HHLA2: variants seen among roughly 807,000 people sequenced by gnomAD.
HHLA2 encodes the protein HERV-H LTR-associating protein 2.
HHLA2 carries 48 observed loss-of-function variants against 45.9 expected under a neutral mutation model. The ratio of observed to expected loss-of-function variants is 1.05; its 90% CI spans 0.83 to 1.33. The LOEUF is 1.33. Among genes scored for constraint, HHLA2 ranks in the 40% most tolerant of loss-of-function variants. The pLI, the probability that HHLA2 is intolerant of heterozygous loss-of-function variation, is 0.00. For synonymous variants in HHLA2, 161 were observed against 173.9 expected (o/e 0.93, Z 0.59); for missense variants, 462 against 494.3 (o/e 0.93, Z 0.62).
At chr3:108,372,163 T>C (rs1297336487) in intron 8 of HHLA2, among the ~76,000 whole-genome samples, 1 of 152,184 alleles carries the variant, frequency 6.6e-6, no homozygotes, top group Admixed American at 6.5e-5. Context: ...GAACTCAGGA[T>C]TAAGAAATTC....
intron 2 of HHLA2, among the ~76,000 whole-genome samples, chr3:108,322,330 C>T (rs1250254238): frequency 2.6e-5 from 4 of 152,192 alleles, no homozygotes; most frequent in Non-Finnish European, 5.9e-5. Flanking sequence ...ACCATCAATT[C>T]AGACATTATT....
chr3:108,342,023 T>C (rs1330276052), intron 3 of HHLA2, among the ~76,000 whole-genome samples: 1 of 152,170 alleles, frequency 6.6e-6, no homozygotes, highest in Non-Finnish European at 1.5e-5. Context: ...AAGCCGGACA[T>C]GCTCATCTCA....
At chr3:108,367,850 C>A (rs776468398) in intron 8 of HHLA2, among the ~76,000 whole-genome samples, 1 of 152,080 alleles carries the variant, frequency 6.6e-6, no homozygotes, top group East Asian at 1.9e-4. Context: ...TCAGGACATA[C>A]AGAGAACACC....
chr3:108,350,973 C>T, intron 3 of HHLA2, among the ~76,000 whole-genome samples: 1 of 152,218 alleles, frequency 6.6e-6, no homozygotes, highest in Non-Finnish European at 1.5e-5. Context: ...GTGTGAACCA[C>T]CATGCCCAGC....
intron 2 of HHLA2, chr3:108,325,437 G>C: frequency 2.6e-6 from 1 of 383,082 alleles, no homozygotes. Context: ...CAAATCTGTT[G>C]TAACCTGTAC....
chr3:108,313,500 G>T (rs1221355677), intron 2 of HHLA2, among the ~76,000 whole-genome samples: 3 of 152,170 alleles, frequency 2.0e-5, no homozygotes, highest in Non-Finnish European at 4.4e-5. Flanking sequence ...CTCTCTTTCT[G>T]GGTTGTGTGT....
At chr3:108,362,949 C>T (rs1273105383) in intron 8 of HHLA2, among the ~76,000 whole-genome samples, 1 of 152,052 alleles carries the variant, frequency 6.6e-6, no homozygotes, top group East Asian at 1.9e-4. Flanking sequence ...TCCTTAAGCC[C>T]CTGGGCTCTG....
At chr3:108,315,189 C>G (rs1390346806) in intron 2 of HHLA2, among the ~76,000 whole-genome samples, 1 of 152,134 alleles carries the variant, frequency 6.6e-6, no homozygotes, top group Non-Finnish European at 1.5e-5. Flanking sequence ...CCTCTCTGCC[C>G]TTAGAAGAGC....
intron 8 of HHLA2, among the ~76,000 whole-genome samples, chr3:108,375,287 C>T (rs1576190784): frequency 1.4e-5 from 2 of 143,038 alleles, no homozygotes; most frequent in Non-Finnish European, 3.0e-5. Flanking sequence ...AATGAGAACA[C>T]ATGGACACAG....
At position 108,340,842 on chromosome 3, in the gene HHLA2, T is replaced by TGAAA. The variant is rs974248705; in HGVS notation, c.-26-10933_-26-10930dup. 4.2e-4 allele frequency among the ~76,000 whole-genome samples: 63 copies of TGAAA among 151,710 alleles called. 1 individual carries two copies. Among genetic ancestry groups the TGAAA allele is most frequent in the African/African-American group, 1.4e-3 (60 of 41,418 alleles). ...GATTTACTCTTTTTTTTTGTTTCTT[T>TGAAA]GAAAGAAAGAAAGAAACAGGGGTCC... is the stretch of plus-strand genomic sequence containing the variant. On this transcript the variant is annotated intron_variant, in intron 3 of 10. Transcript: ENST00000619531.
At chr3:108,354,669 T>C (rs1185932211) in intron 5 of HHLA2, among the ~76,000 whole-genome samples, 2 of 152,156 alleles carry the variant, frequency 1.3e-5, no homozygotes, top group Non-Finnish European at 2.9e-5. Flanking sequence ...ACTTGTTTCT[T>C]TTTCTTCTGT....
chr3:108,353,495 G>A, exon 5 of HHLA2: 1 of 1,608,828 alleles, frequency 6.2e-7, no homozygotes, highest in South Asian at 1.1e-5. Flanking sequence ...AAGACTTGAT[G>A]AAGATATAAT....
chr3:108,356,766 G>A (rs2081900640), intron 6 of HHLA2, among the ~76,000 whole-genome samples: 1 of 152,052 alleles, frequency 6.6e-6, no homozygotes, highest in South Asian at 2.1e-4. Flanking sequence ...CTGATTTCTG[G>A]ATCCACAGCA....
At chr3:108,320,552 A>C (rs1336216500) in intron 2 of HHLA2, among the ~76,000 whole-genome samples, 5 of 152,168 alleles carry the variant, frequency 3.3e-5, no homozygotes. Context: ...TCTAGAATTT[A>C]GGGTTATGCA....
intron 8 of HHLA2, among the ~76,000 whole-genome samples, chr3:108,363,343 G>A (rs911089983): frequency 6.6e-6 from 1 of 152,094 alleles, no homozygotes; most frequent in Non-Finnish European, 1.5e-5. Flanking sequence ...TAATGGTAGA[G>A]GCAGGTTGAG....
intron 2 of HHLA2, among the ~76,000 whole-genome samples, chr3:108,320,472 A>G (rs1401782472): frequency 6.6e-6 from 1 of 152,208 alleles, no homozygotes; most frequent in African/African-American, 2.4e-5. Context: ...GCACCAACCT[A>G]ATAGAATCCT....
rs748997636 is a variant in HHLA2 at position 108,351,793 on chromosome 3, C to T, written c.-21C>T. ...ACTTTACTTCTCTTTGATAGCATGA[C>T]TAATATGTTCTGCACAAGACATGAA... On this transcript the variant is annotated 5_prime_UTR_variant, in exon 4 of 11. Coordinates refer to ENST00000619531, the Ensembl canonical transcript of HHLA2. 2.5e-6 allele frequency: 4 copies of T among 1,608,024 alleles called. No homozygotes were observed. The East Asian group carries it at 6.7e-5, about 27-fold the overall frequency.
intron 3 of HHLA2, among the ~76,000 whole-genome samples, chr3:108,350,018 T>C (rs2081748358): frequency 1.3e-5 from 2 of 152,298 alleles, no homozygotes; most frequent in Non-Finnish European, 2.9e-5. Context: ...ATTTCAAGGT[T>C]TTTTTTAATG....
chr3:108,317,576 CTTT>C (rs55986913), intron 2 of HHLA2, among the ~76,000 whole-genome samples: 5 of 122,576 alleles, frequency 4.1e-5, no homozygotes, highest in African/African-American at 5.4e-5. Context: ...GAGATTACTT[CTTT>C]TTTTTTTTTT....
Sources: allele counts gnomAD v4.1 joint callset (sites outside exome capture counted in the v4.1 genomes callset), GRCh38; gene constraint gnomAD v4.1.1; transcripts MANE v1.5; gene names NCBI Gene and HGNC (gene_info 2026-07-23, HGNC 2026-07-21).